The following RYR2 variants were observed in gnomAD, a reference collection of about 807,000 sequenced individuals.
The protein encoded by RYR2 is cardiac muscle ryanodine receptor-calcium release channel.
RYR2 carries 227 observed loss-of-function variants against 601.1 expected under a neutral mutation model. The ratio of observed to expected loss-of-function variants is 0.38; its 90% CI spans 0.34 to 0.42. RYR2 has a LOEUF of 0.42. Among genes scored for constraint, RYR2 ranks in the 10% least tolerant of loss-of-function variants. The probability of loss-of-function intolerance (pLI) is 1.00; values close to 1 mark genes in which losing one functional copy is unlikely to be tolerated. For synonymous variants in RYR2, 2,223 were observed against 2,175.1 expected (o/e 1.02, Z -0.61); for missense variants, 4,646 against 6,156.5 (o/e 0.75, Z 8.21).
intron 1 of RYR2, among the ~76,000 whole-genome samples, chr1:237,259,173 C>T (rs996222718): frequency 4.6e-5 from 7 of 152,006 alleles, no homozygotes; most frequent in Non-Finnish European, 1.0e-4. Flanking sequence ...CAGCACAGAA[C>T]AACAGATTAC....
At position 237,819,237 on chromosome 1, in the gene RYR2, G is replaced by A. The variant is rs186557703; in HGVS notation, c.14590+45G>A. 6.6e-5 allele frequency: 103 copies of A among 1,551,190 alleles called. No homozygotes were observed. The African/African-American group carries it at 7.9e-4, about 12-fold the overall frequency. On this transcript the variant is annotated intron_variant, in intron 101 of 104. Transcript: ENST00000366574. The surrounding 1 kb of genome is among the most constrained non-coding windows in gnomAD (Gnocchi z 4.0). ...AAGCTGATGAACATCTAGAATTTGA[G>A]CCACATGTTGCTGAAGTTAATATTC...
At chr1:237,087,187 G>A (rs10925309) in intron 1 of RYR2, among the ~76,000 whole-genome samples, 2 of 152,104 alleles carry the variant, frequency 1.3e-5, no homozygotes, top group African/African-American at 2.4e-5. Context: ...TTAGTTGCTG[G>A]TGCTTCCAGA....
At chr1:237,237,355 A>G (rs1317665135) in intron 1 of RYR2, among the ~76,000 whole-genome samples, 1 of 152,238 alleles carries the variant, frequency 6.6e-6, no homozygotes, top group Non-Finnish European at 1.5e-5. Flanking sequence ...ATGAATATAA[A>G]TGAATAATAA....
intron 27 of RYR2, chr1:237,555,282 A>G (rs1670772810): frequency 6.6e-6 from 1 of 151,994 alleles, no homozygotes; most frequent in Non-Finnish European, 1.5e-5. Context: ...TGATTCAACT[A>G]CTCTCTTTAG....
chr1:237,828,764 A>G (rs1412177298), intron 102 of RYR2, among the ~76,000 whole-genome samples: 1 of 152,178 alleles, frequency 6.6e-6, no homozygotes, highest in African/African-American at 2.4e-5. Context: ...TGAGTCCTTT[A>G]TGGGAGTAAA....
intron 71 of RYR2, among the ~76,000 whole-genome samples, chr1:237,714,991 CAAAAAAAAAAAA>C (rs5781983): frequency 9.0e-5 from 4 of 44,452 alleles, no homozygotes; most frequent in East Asian, 1.6e-3. Flanking sequence ...GACTCCATCT[CAAAAAAAAAAAA>C]AAAAAAAAAA....
chr1:237,788,772 G>A (rs1228927844), intron 92 of RYR2, among the ~76,000 whole-genome samples: 1 of 152,042 alleles, frequency 6.6e-6, no homozygotes, highest in Non-Finnish European at 1.5e-5. Flanking sequence ...CCCCTAATTA[G>A]TAAAGCACAC....
chr1:237,056,550 G>T (rs76180524), intron 1 of RYR2, among the ~76,000 whole-genome samples: 1 of 43,196 alleles, frequency 2.3e-5, no homozygotes, highest in African/African-American at 6.8e-5. Flanking sequence ...GAGGATTGGA[G>T]CACTGCACCT....
chr1:237,372,267 A>G (rs2149770568), intron 6 of RYR2, among the ~76,000 whole-genome samples: 1 of 152,332 alleles, frequency 6.6e-6, no homozygotes. Flanking sequence ...AATAGGTCAG[A>G]TAAGAAAACT....
chr1:237,667,271 T>C (rs2148875865), intron 57 of RYR2, among the ~76,000 whole-genome samples: 1 of 152,284 alleles, frequency 6.6e-6, no homozygotes, highest in South Asian at 2.1e-4. Context: ...CCAAGAGAAA[T>C]AAGGACCGTA....
At chr1:237,824,212 G>C (rs1411704462) in intron 101 of RYR2, among the ~76,000 whole-genome samples, 1 of 152,096 alleles carries the variant, frequency 6.6e-6, no homozygotes, top group South Asian at 2.1e-4. Flanking sequence ...AAACCCGGCA[G>C]AGACACAACA....
intron 1 of RYR2, among the ~76,000 whole-genome samples, chr1:237,233,829 G>A (rs1486324457): frequency 6.6e-6 from 1 of 152,012 alleles, no homozygotes; most frequent in Non-Finnish European, 1.5e-5. Context: ...TGCGATGACA[G>A]GGGCACACCA....
intron 8 of RYR2, among the ~76,000 whole-genome samples, chr1:237,380,986 G>C (rs965124172): frequency 7.9e-5 from 12 of 152,128 alleles, no homozygotes; most frequent in Non-Finnish European, 1.5e-4. Flanking sequence ...GCTGAGACAG[G>C]AGAATTGCTT....
rs1161205243 is a variant in RYR2, at chr1:237,292,931, C to T, written c.168+22315C>T. Among the ~76,000 whole-genome samples the T allele has an allele frequency of 4.6e-5, 7 of 152,146 alleles. No homozygotes were observed. The East Asian group carries it at 1.4e-3, about 29-fold the overall frequency. The stretch of plus-strand genomic sequence containing the variant: ...ACTAAAGTCTCTTAGTTATAAGCCT[C>T]CATTTGCATAAAACTTATGCTCAAA... On this transcript the variant is annotated intron_variant, in intron 2 of 104. Coordinates refer to ENST00000366574, the MANE Select transcript of RYR2 (RefSeq NM_001035.3).
intron 2 of RYR2, among the ~76,000 whole-genome samples, chr1:237,278,801 G>A (rs1267715465): frequency 6.6e-6 from 1 of 152,178 alleles, no homozygotes; most frequent in Non-Finnish European, 1.5e-5. Context: ...CCTGGATATA[G>A]CAGCTCTGTA....
intron 1 of RYR2, among the ~76,000 whole-genome samples, chr1:237,129,238 G>A (rs1671882002): frequency 6.6e-6 from 1 of 152,168 alleles, no homozygotes; most frequent in Non-Finnish European, 1.5e-5. Context: ...AACAGCTAGA[G>A]TTAGTTCCTT....
At chr1:237,522,824 C>T (rs1667221008) in intron 24 of RYR2, among the ~76,000 whole-genome samples, 1 of 152,132 alleles carries the variant, frequency 6.6e-6, no homozygotes, top group Admixed American at 6.5e-5. Flanking sequence ...TTACCAATCC[C>T]TACTGCTTAA....
chr1:237,548,371 T>A, intron 25 of RYR2, 60 bp from the exon 26 acceptor site: 1 of 1,558,082 alleles, frequency 6.4e-7, no homozygotes, highest in Non-Finnish European at 8.8e-7. Flanking sequence ...AAAATGATAT[T>A]TACAGAGATT....
chr1:237,286,082 T>C (rs1572476418), intron 2 of RYR2, among the ~76,000 whole-genome samples: 1 of 152,226 alleles, frequency 6.6e-6, no homozygotes, highest in South Asian at 2.1e-4. Flanking sequence ...TTTGTTTTTG[T>C]TTCTCTAGTT....
Sources: gnomAD v4.1 joint callset for allele counts (sites outside exome capture counted in the v4.1 genomes callset) on GRCh38, gnomAD v4.1.1 for gene constraint, Gnocchi (gnomAD v3.1) non-coding constraint, MANE v1.5 for transcripts, NCBI Gene and HGNC (gene_info 2026-07-23, HGNC 2026-07-21) for gene names.